The following KDM2B variants were observed in gnomAD, a reference collection of about 807,000 sequenced individuals.
The protein encoded by KDM2B is lysine demethylase 2B.
Under a neutral mutation model 150.0 loss-of-function variants are expected in KDM2B, and 26 were observed. That is an observed-to-expected ratio of 0.17 (90% CI 0.13 to 0.24). The LOEUF is 0.24. Among genes scored for constraint, KDM2B ranks in the 10% least tolerant of loss-of-function variants. The pLI is 1.00. For missense variants in KDM2B, 1,265 were observed against 1,816.9 expected (o/e 0.70, Z 5.52); for synonymous variants, 734 against 729.5 (o/e 1.01, Z -0.10).
intron 12 of KDM2B, among the ~76,000 whole-genome samples, chr12:121,474,853 G>A (rs921756996): frequency 2.2e-4 from 34 of 152,204 alleles, no homozygotes; most frequent in African/African-American, 8.2e-4. Context: ...TGGGGAGGCC[G>A]AGGAAGGAGG....
At position 121,513,914 on chromosome 12, in the gene KDM2B, G is replaced by A. The variant is rs1007532705; in HGVS notation, c.1048-512C>T. Among the ~76,000 whole-genome samples, 1 of 152,064 alleles carries A rather than the reference G, an allele frequency of 6.6e-6. No individual in the cohort carries two copies. The highest frequency in any genetic ancestry group is 1.5e-5 in the Non-Finnish European group (1 of 67,996). ...CCTCCTCCTGTTTGTTGGGAGGGAG[G>A]CCAGGCCAGCGGACCAATAAGAGTG... is the stretch of plus-strand genomic sequence containing the variant. On this transcript the variant is annotated intron_variant, in intron 9 of 22. Coordinates refer to ENST00000377071, the MANE Select transcript of KDM2B (RefSeq NM_032590.5). This position sits in a 1 kb window ranked among gnomAD's most constrained non-coding sequence, Gnocchi z 5.0.
Position 121,533,265 on chromosome 12 carries a change from G to A in KDM2B, c.778-306C>T, listed in dbSNP as rs1296224891. Among the ~76,000 whole-genome samples, 1 of 152,208 alleles carries A rather than the reference G, an allele frequency of 6.6e-6. No homozygotes were observed. Among genetic ancestry groups the A allele is most frequent in the African/African-American group, 2.4e-5 (1 of 41,454 alleles). On this transcript the variant is annotated intron_variant, in intron 7 of 22. Coordinates refer to ENST00000377071, the MANE Select transcript of KDM2B (RefSeq NM_032590.5). The surrounding 1 kb of genome is among the most constrained non-coding windows in gnomAD (Gnocchi z 4.1). ...CCCGAACCACAGGCTTGTCTAGGAG[G>A]TGGGGGAAGGAGAGGAAGGGAATTT...
intron 13 of KDM2B, among the ~76,000 whole-genome samples, chr12:121,448,851 C>T (rs949397522): frequency 1.3e-5 from 2 of 152,166 alleles, no homozygotes; most frequent in African/African-American, 4.8e-5. Flanking sequence ...AAGACAAAGA[C>T]ATTAAGTCGC....
intron 11 of KDM2B, among the ~76,000 whole-genome samples, chr12:121,504,132 G>A (rs1292369330): frequency 6.6e-6 from 1 of 152,146 alleles, no homozygotes; most frequent in Non-Finnish European, 1.5e-5. Context: ...ACAATTCACT[G>A]TAGCCTCCAC....
At chr12:121,475,378 C>T (rs1182007144) in intron 12 of KDM2B, among the ~76,000 whole-genome samples, 4 of 151,992 alleles carry the variant, frequency 2.6e-5, no homozygotes, top group Admixed American at 2.6e-4. Flanking sequence ...CACTTGAGCC[C>T]AGAGAGCTTG....
intron 12 of KDM2B, among the ~76,000 whole-genome samples, chr12:121,474,472 C>A (rs1414686581): frequency 6.6e-6 from 1 of 151,962 alleles, no homozygotes; most frequent in African/African-American, 2.4e-5. Context: ...GCAGAGATCT[C>A]GCCACTGCAC....
intron 11 of KDM2B, among the ~76,000 whole-genome samples, chr12:121,500,472 A>G (rs1488091854): frequency 6.6e-6 from 1 of 152,248 alleles, no homozygotes; most frequent in Non-Finnish European, 1.5e-5. Context: ...AACTTCTCTC[A>G]AAGAGATAAT....
At chr12:121,530,227 CAAAA>C (rs71453566) in intron 8 of KDM2B, among the ~76,000 whole-genome samples, 4 of 65,776 alleles carry the variant, frequency 6.1e-5, no homozygotes, top group Admixed American at 1.7e-4. Flanking sequence ...GACTCCCTCT[CAAAA>C]AAAAAAAAAA....
Position 121,521,170 on chromosome 12 carries a change from AG to A in KDM2B, c.932-71del, listed in dbSNP as rs75567204. ...GGGCTCCCACACCTCACAAGGCTGC[AG>A]GGAGGGAGAGCGAGCGTGCAGGAGG... On this transcript the variant is annotated intron_variant, in intron 8 of 22. Coordinates refer to ENST00000377071, the MANE Select transcript of KDM2B (RefSeq NM_032590.5). The surrounding 1 kb of genome is among the most constrained non-coding windows in gnomAD (Gnocchi z 4.9). The A allele has an allele frequency of 0.027, 29,372 of 1,074,774 alleles. 1,828 individuals carry two copies. Among genetic ancestry groups the A allele is most frequent in the East Asian group, 0.23 (9,393 of 40,640 alleles). The allele number at this position is 1,074,774 out of a possible 1,614,324, so 66.6% of individuals were successfully genotyped here.
rs1463601709 is a variant in KDM2B, at chr12:121,452,685, C to G, written c.1959+435G>C. On this transcript the variant is annotated intron_variant, in intron 13 of 22. Transcript: ENST00000377071. This position sits in a 1 kb window ranked among gnomAD's most constrained non-coding sequence, Gnocchi z 4.4. ...GCTGAGGCCAGGCGGTGTGGAGGGG[C>G]GGGCCAGGCTCTCCCGGGCGCGGCT... Among the ~76,000 whole-genome samples the G allele has an allele frequency of 6.6e-6, 1 of 152,222 alleles. No homozygotes were observed. The highest frequency in any genetic ancestry group is 1.5e-5 in the Non-Finnish European group (1 of 68,040).
At chr12:121,455,298 C>A (rs2138898368) in intron 12 of KDM2B, among the ~76,000 whole-genome samples, 1 of 152,310 alleles carries the variant, frequency 6.6e-6, no homozygotes, top group African/African-American at 2.4e-5. Flanking sequence ...GTCATGCCTG[C>A]CCTCTGCTCT....
intron 12 of KDM2B, among the ~76,000 whole-genome samples, chr12:121,483,027 G>A (rs1593904180): frequency 6.6e-6 from 1 of 152,030 alleles, no homozygotes; most frequent in East Asian, 1.9e-4. Context: ...CCTGGGCGTG[G>A]TGGGGGGCGC....
intron 12 of KDM2B, among the ~76,000 whole-genome samples, chr12:121,466,556 C>T (rs1334488116): frequency 6.6e-6 from 1 of 151,768 alleles, no homozygotes; most frequent in Non-Finnish European, 1.5e-5. Context: ...CGCCCGGGTT[C>T]CGGGTGGCCC....
chr12:121,527,257 C>T (rs1226388566), intron 8 of KDM2B, among the ~76,000 whole-genome samples: 60 of 143,974 alleles, frequency 4.2e-4, no homozygotes, highest in Non-Finnish European at 7.4e-4. Flanking sequence ...GGGGTTTCAC[C>T]GTGTTAGCCA....
rs1247299715 is a variant in KDM2B at position 121,442,022 on chromosome 12, G to C, written c.3284+135C>G. On this transcript the variant is annotated intron_variant, in intron 19 of 22. Coordinates refer to ENST00000377071, the MANE Select transcript of KDM2B (RefSeq NM_032590.5). The surrounding 1 kb of genome is among the most constrained non-coding windows in gnomAD (Gnocchi z 7.7). The stretch of plus-strand genomic sequence containing the variant: ...CCAGAGGGGCCGCTGTAGCCAGCTG[G>C]AACGCTTTGCGGAGCACAATGAAGC... 1.4e-6 allele frequency: 1 copy of C among 721,706 alleles called. No homozygotes were observed. The highest frequency in any genetic ancestry group is 1.8e-5 in the African/African-American group (1 of 56,216). The allele number at this position is 721,706 out of a possible 1,614,324, so 44.7% of individuals were successfully genotyped here.
At chr12:121,428,796 G>GCTAC (rs1872648108), downstream of KDM2B, among the ~76,000 whole-genome samples, 1 of 152,186 alleles carries the variant, frequency 6.6e-6, no homozygotes, top group South Asian at 2.1e-4. Flanking sequence ...ATGGCCCAAG[G>GCTAC]CTACCTGTAC....
chr12:121,522,038 G>A (rs1470889655), intron 8 of KDM2B, among the ~76,000 whole-genome samples: 1 of 152,104 alleles, frequency 6.6e-6, no homozygotes, highest in African/African-American at 2.4e-5. Flanking sequence ...GAGCTCCAGA[G>A]GTTGAAGCTT....
chr12:121,509,380 GGCCTCT>G (rs1885377571), intron 11 of KDM2B, among the ~76,000 whole-genome samples, 181 bp downstream of exon 11: 1 of 151,732 alleles, frequency 6.6e-6, no homozygotes, highest in South Asian at 2.1e-4. Context: ...TCTTAATGAT[GGCCTCT>G]GCTTGGACAC....
the KDM2B span, among the ~76,000 whole-genome samples, chr12:121,415,027 C>T: frequency 2.6e-5 from 4 of 151,872 alleles, no homozygotes; most frequent in Non-Finnish European, 5.9e-5. Flanking sequence ...GCCCGGGAGG[C>T]GGACGTTGCA....
Sources: allele counts gnomAD v4.1 joint callset (sites outside exome capture counted in the v4.1 genomes callset), GRCh38; gene constraint gnomAD v4.1.1; non-coding constraint Gnocchi (gnomAD v3.1); transcripts MANE v1.5; gene names NCBI Gene and HGNC (gene_info 2026-07-23, HGNC 2026-07-21).